TMEM255B: variants seen among roughly 807,000 people sequenced by gnomAD.
TMEM255B encodes family with sequence similarity 70, member B.
A neutral mutation model predicts 34.5 loss-of-function variants in TMEM255B; 35 were observed. The ratio of observed to expected loss-of-function variants is 1.01; its 90% CI spans 0.77 to 1.34. The LOEUF (loss-of-function observed/expected upper bound fraction) is 1.34. Among genes scored for constraint, TMEM255B ranks in the 40% most tolerant of loss-of-function variants. The probability of loss-of-function intolerance (pLI) is 0.00; values close to 1 mark genes in which losing one functional copy is unlikely to be tolerated. For synonymous variants in TMEM255B, 206 were observed against 201.2 expected, an observed-to-expected ratio of 1.02 and a Z score of -0.20; for missense variants, 432 against 433.2, an observed-to-expected ratio of 1.00 and a Z score of 0.02.
In TMEM255B at chr13:113,769,172, C is replaced by T; in HGVS notation, c.252+12C>T. ...ATAGAAGGCAAATGGTAAGAAAGTA[C>T]ATGGGGTGGTGGGGAGCATGAGTCC... On this transcript the variant is annotated intron_variant, in intron 3 of 8. Coordinates refer to ENST00000375353, the MANE Select transcript of TMEM255B (RefSeq NM_182614.4). The surrounding 1 kb of genome is among the most constrained non-coding windows in gnomAD (Gnocchi z 4.2). 1 of 1,613,868 alleles carries T rather than the reference C, an allele frequency of 6.2e-7. No homozygotes were observed. The highest frequency in any genetic ancestry group is 1.1e-5 in the South Asian group (1 of 91,074).
At chr13:113,787,746 C>A (rs911300548) in intron 3 of TMEM255B, among the ~76,000 whole-genome samples, 1 of 151,652 alleles carries the variant, frequency 6.6e-6, no homozygotes. Flanking sequence ...GTGTGAGAGC[C>A]GTGAATGTGT....
At chr13:113,795,290 A>T (rs982299112) in intron 4 of TMEM255B, 53 bp downstream of exon 4, 6 of 1,562,398 alleles carry the variant, frequency 3.8e-6, no homozygotes, top group Admixed American at 1.7e-5. Flanking sequence ...GAAAGAGTCG[A>T]CGTGAAAAAA....
intron 8 of TMEM255B, among the ~76,000 whole-genome samples, chr13:113,805,757 G>A (rs74118479): frequency 0.01 from 1,558 of 152,300 alleles, 26 homozygotes; most frequent in African/African-American, 0.036. Context: ...CAAACTCTCC[G>A]GACGTGTCCC....
At chr13:113,781,093 C>G (rs978154077) in intron 3 of TMEM255B, among the ~76,000 whole-genome samples, 21 of 152,154 alleles carry the variant, frequency 1.4e-4, no homozygotes, top group Non-Finnish European at 1.2e-4. Flanking sequence ...TAATGTTAAA[C>G]CCAATTCTTA....
intron 5 of TMEM255B, chr13:113,800,097 G>T (rs9577893): frequency 0.5 from 565,017 of 1,125,282 alleles, 137,497 homozygotes; most frequent in East Asian, 0.72. Flanking sequence ...TGTGTGTGTG[G>T]GGGGGGGTAG....
intron 8 of TMEM255B, among the ~76,000 whole-genome samples, chr13:113,807,055 T>G (rs924439993): frequency 3.3e-5 from 5 of 152,156 alleles, no homozygotes; most frequent in African/African-American, 1.2e-4. Context: ...CTTCCTCTTC[T>G]CTGGCTCCAG....
intron 2 of TMEM255B, among the ~76,000 whole-genome samples, chr13:113,767,490 T>C (rs1049078880): frequency 1.2e-4 from 19 of 152,362 alleles, no homozygotes; most frequent in African/African-American, 4.6e-4. Flanking sequence ...CTTGAGTGGT[T>C]GTTTTTTTTG....
chr13:113,801,751 A>C lies in TMEM255B; in HGVS notation c.608A>C (p.Asn203Thr), dbSNP rs2051068005. The C allele has an allele frequency of 6.2e-7, 1 of 1,613,048 alleles. No individual in the cohort carries two copies. The highest frequency in any genetic ancestry group is 8.5e-7 in the Non-Finnish European group (1 of 1,179,688). Residue 203 changes from asparagine (N) to threonine (T), a missense_variant, in exon 7 of 9, where the codon AAC becomes ACC. By Grantham distance (65) the Asn-to-Thr change is moderately conservative. Coordinates refer to ENST00000375353, the MANE Select transcript of TMEM255B (RefSeq NM_182614.4). ...CTGCTCTGGGCCTCTGCAGTTCTGA[A>C]CGTCCTGGGCCTGTTCCTGGGCATC... ...YRLLWASAVL[N>T]VLGLFLGIIT...
chr13:113,788,560 C>T (rs568309505), intron 3 of TMEM255B, among the ~76,000 whole-genome samples: 1 of 152,194 alleles, frequency 6.6e-6, no homozygotes, highest in South Asian at 2.1e-4. Flanking sequence ...ACGTGGCCAT[C>T]CTAGTGCTGG....
rs879811773 is a variant in TMEM255B at position 113,790,188 on chromosome 13, AT to A, written c.253-4959del. Among the ~76,000 whole-genome samples the A allele has an allele frequency of 4.7e-3, 561 of 119,848 alleles. 167 individuals carry two copies. The highest frequency in any genetic ancestry group is 9.1e-3 in the East Asian group (21 of 2,308). The allele number at this position is 119,848 out of a possible 152,430, so 78.6% of individuals were successfully genotyped here. ...CACTGAACTGACCAGACACGTGGACATCCTAACACTGAACTGACCGGGCATG... is the reference window on the plus strand; with the variant it reads ...CACTGAACTGACCAGACACGTGGACACCTAACACTGAACTGACCGGGCATG... On this transcript the variant is annotated intron_variant, in intron 3 of 8. Coordinates refer to ENST00000375353, the MANE Select transcript of TMEM255B (RefSeq NM_182614.4).
chr13:113,787,610 A>G (rs750424972), intron 3 of TMEM255B, among the ~76,000 whole-genome samples: 17 of 152,310 alleles, frequency 1.1e-4, no homozygotes, highest in South Asian at 6.2e-4. Flanking sequence ...TGCAGGTCAG[A>G]CGTGAAGAAG....
chr13:113,794,329 C>T (rs1287146267), intron 3 of TMEM255B, among the ~76,000 whole-genome samples: 1 of 152,180 alleles, frequency 6.6e-6, no homozygotes, highest in Non-Finnish European at 1.5e-5. Context: ...CAGGCTTCCC[C>T]TGTCCCTGTG....
At chr13:113,768,892 A>G in intron 2 of TMEM255B, 2 of 668,566 alleles carry the variant, frequency 3.0e-6, no homozygotes, top group East Asian at 3.0e-5. Flanking sequence ...AGCAGAGAAG[A>G]CAGGACAGGT....
intron 8 of TMEM255B, among the ~76,000 whole-genome samples, chr13:113,807,921 C>G (rs1413362768): frequency 2.0e-5 from 3 of 152,136 alleles, no homozygotes; most frequent in Admixed American, 6.5e-5. Context: ...CCTCATCCAC[C>G]CTGGGGCTCT....
At chr13:113,763,849 C>T (rs947389628) in intron 1 of TMEM255B, among the ~76,000 whole-genome samples, 1 of 152,210 alleles carries the variant, frequency 6.6e-6, no homozygotes, top group African/African-American at 2.4e-5. Context: ...GCTTTTAGTT[C>T]AGAAATACCA....
intron 3 of TMEM255B, among the ~76,000 whole-genome samples, chr13:113,775,472 T>G (rs1379772691): frequency 2.0e-5 from 3 of 152,224 alleles, no homozygotes; most frequent in Non-Finnish European, 4.4e-5. Context: ...GTTTCTGGGA[T>G]CCCTGGATGG....
intron 1 of TMEM255B, among the ~76,000 whole-genome samples, chr13:113,762,785 G>T (rs1321355411): frequency 6.6e-6 from 1 of 152,184 alleles, no homozygotes; most frequent in Non-Finnish European, 1.5e-5. Context: ...CAGGAGGCTG[G>T]GACAGGAGCC....
In TMEM255B at chr13:113,759,460, C is replaced by CT. The variant is rs909848491; in HGVS notation, c.46+146dup. On this transcript the variant is annotated intron_variant, in intron 1 of 8. Coordinates refer to ENST00000375353, the MANE Select transcript of TMEM255B (RefSeq NM_182614.4). ...CTGGTCCCTCCGCCTCCTTCGAGCT[C>CT]TGTCTTTGGAACACTTTGCATTTCG... The CT allele has an allele frequency of 1.6e-5, 12 of 747,760 alleles. No individual in the cohort carries two copies. In the South Asian group the frequency reaches 6.1e-4, roughly 38 times the overall value. 46.3% of individuals were successfully genotyped at this position (747,760 alleles called of 1,614,324 possible). A position where few individuals can be genotyped will look rare whatever the true frequency, so the allele number is the denominator to read the frequency against.
chr13:113,800,664 C>A (rs916559443), intron 5 of TMEM255B, among the ~76,000 whole-genome samples, 163 bp from the exon 6 acceptor site: 1 of 152,126 alleles, frequency 6.6e-6, no homozygotes, highest in Admixed American at 6.5e-5. Context: ...GGCCCCCGAG[C>A]CCCCAAGCCT....
Sources: gnomAD v4.1 joint callset for allele counts (sites outside exome capture counted in the v4.1 genomes callset) on GRCh38, gnomAD v4.1.1 for gene constraint, Gnocchi (gnomAD v3.1) non-coding constraint, MANE v1.5 for transcripts, NCBI Gene and HGNC (gene_info 2026-07-23, HGNC 2026-07-21) for gene names.